Variants in RAPGEF5 observed in about 807,000 individuals in gnomAD.
RAPGEF5 encodes the protein Rap guanine nucleotide exchange factor 5.
A neutral mutation model predicts 125.2 loss-of-function variants in RAPGEF5; 65 were observed. The ratio of observed to expected loss-of-function variants is 0.52; its 90% confidence interval spans 0.43 to 0.64. The LOEUF is 0.64. RAPGEF5 is among the 30% of genes least tolerant of loss of function. The pLI, the probability that RAPGEF5 is intolerant of heterozygous loss-of-function variation, is 0.00. For synonymous variants in RAPGEF5, 391 were observed against 385.9 expected (o/e 1.01, Z -0.16); for missense variants, 958 against 1,048.1 (o/e 0.91, Z 1.19).
intron 6 of RAPGEF5, among the ~76,000 whole-genome samples, chr7:22,267,706 C>CAGA (rs983555674): frequency 7.2e-5 from 11 of 152,126 alleles, no homozygotes; most frequent in African/African-American, 2.7e-4. Flanking sequence ...ATTTTCAAAG[C>CAGA]AGAACACGAA....
At chr7:22,214,252 G>A (rs1785578462) in intron 9 of RAPGEF5, among the ~76,000 whole-genome samples, 2 of 152,174 alleles carry the variant, frequency 1.3e-5, no homozygotes, top group Non-Finnish European at 1.5e-5. Flanking sequence ...CATATTTCAT[G>A]AGTGAATTAG....
chr7:22,280,877 G>A (rs1294395197), intron 6 of RAPGEF5, among the ~76,000 whole-genome samples: 2 of 152,072 alleles, frequency 1.3e-5, no homozygotes, highest in Non-Finnish European at 2.9e-5. Flanking sequence ...AAACAATCTA[G>A]GTGAGGAAGC....
At chr7:22,270,043 G>GA (rs1782382071) in intron 6 of RAPGEF5, among the ~76,000 whole-genome samples, 1 of 152,244 alleles carries the variant, frequency 6.6e-6, no homozygotes, top group Non-Finnish European at 1.5e-5. Context: ...AGGTACAAAA[G>GA]AATGTGGGGG....
At chr7:22,323,994 C>T (rs914702150) in intron 1 of RAPGEF5, among the ~76,000 whole-genome samples, 2 of 152,152 alleles carry the variant, frequency 1.3e-5, no homozygotes, top group African/African-American at 4.8e-5. Context: ...AGTGGACAAA[C>T]CTATGATGAG....
chr7:22,276,248 T>C (rs1782552609), intron 6 of RAPGEF5, among the ~76,000 whole-genome samples: 1 of 152,218 alleles, frequency 6.6e-6, no homozygotes, highest in South Asian at 2.1e-4. Flanking sequence ...TATTATTCAA[T>C]CTACAAAAAG....
Position 22,317,311 on chromosome 7 carries a change from G to C in RAPGEF5, c.282+676C>G, listed in dbSNP as rs185956989. ...GCTGGAGTGCAGTGGTGCGATCTCA[G>C]CTCACTGCAAGCTCCGCCTCCTGGG... On this transcript the variant is annotated intron_variant, in intron 2 of 25. Transcript: ENST00000665637. 4.9e-3 allele frequency among the ~76,000 whole-genome samples: 727 copies of C among 149,538 alleles called. 3 individuals carry two copies. Among genetic ancestry groups the C allele is most frequent in the African/African-American group, 0.016 (664 of 40,470 alleles).
chr7:22,233,973 T>C (rs1056404238), intron 7 of RAPGEF5, among the ~76,000 whole-genome samples: 1 of 152,200 alleles, frequency 6.6e-6, no homozygotes, highest in African/African-American at 2.4e-5. Context: ...ATCTGCATAA[T>C]GGACAAACTC....
chr7:22,237,732 G>A (rs997616498), intron 7 of RAPGEF5, among the ~76,000 whole-genome samples: 1 of 152,134 alleles, frequency 6.6e-6, no homozygotes, highest in Non-Finnish European at 1.5e-5. Context: ...CCTCGTCTCA[G>A]AGATTGGCTT....
chr7:22,206,616 T>C (rs936761304), intron 9 of RAPGEF5, among the ~76,000 whole-genome samples: 1 of 150,958 alleles, frequency 6.6e-6, no homozygotes, highest in East Asian at 1.9e-4. Context: ...GGTGGGAGGA[T>C]TGTGGCTGCA....
intron 6 of RAPGEF5, among the ~76,000 whole-genome samples, chr7:22,273,267 T>G (rs1347841860): frequency 1.4e-5 from 2 of 143,480 alleles, no homozygotes; most frequent in Admixed American, 7.1e-5. Flanking sequence ...CGCCCAGGCT[T>G]GAGTGCAGTG....
At chr7:22,144,337 A>G (rs1783358848) in intron 20 of RAPGEF5, among the ~76,000 whole-genome samples, 1 of 152,204 alleles carries the variant, frequency 6.6e-6, no homozygotes, top group Non-Finnish European at 1.5e-5. Flanking sequence ...CGGAAGGTAA[A>G]AAGTATATCT....
At chr7:22,174,500 A>G (rs1784445953) in intron 11 of RAPGEF5, among the ~76,000 whole-genome samples, 3 of 152,224 alleles carry the variant, frequency 2.0e-5, no homozygotes, top group Non-Finnish European at 4.4e-5. Flanking sequence ...TCTCCAGTTC[A>G]TCACCCTTCT....
At chr7:22,219,754 C>A (rs534330306) in intron 9 of RAPGEF5, 112 bp downstream of exon 9, 368 of 1,390,392 alleles carry the variant, frequency 2.6e-4, no homozygotes, top group African/African-American at 2.5e-3. Context: ...GGGAAAAAAA[C>A]CCCCAAAACC....
In RAPGEF5 at chr7:22,145,217, C is replaced by T. The variant is rs369157491; in HGVS notation, c.2013G>A (p.Glu671=). 491 of 1,608,438 alleles carry T rather than the reference C, an allele frequency of 3.1e-4. No homozygotes were observed. Among genetic ancestry groups the T allele is most frequent in the Non-Finnish European group, 4.0e-4 (469 of 1,177,032 alleles). ...GTCTGCTGAACGTGAAGTAGATCAG[C>T]TCTTGCTGAAAGAAAATGTATTCAT... ...WSLFNSIHEQ[E]LIYFTFSRQG... is the part of the protein sequence containing the mutation. Residue 671 remains glutamate, a synonymous_variant, in exon 20 of 26, where the codon GAG becomes GAA. Transcript: ENST00000665637.
rs1261972871 is a variant in RAPGEF5 at position 22,136,788 on chromosome 7, A to G, written c.2328+145T>C. ...TGTCAACTTGCTTCCCTCCATAAGA[A>G]GCAAAGCTACAGTTTCATATACAAG... is the stretch of plus-strand genomic sequence containing the variant. On this transcript the variant is annotated intron_variant, in intron 22 of 25. Coordinates refer to ENST00000665637, the MANE Select transcript of RAPGEF5 (RefSeq NM_012294.5). 4.4e-6 allele frequency: 3 copies of G among 679,606 alleles called. No homozygotes were observed. The African/African-American group carries it at 5.6e-5, about 13-fold the overall frequency. 42.1% of individuals were successfully genotyped at this position (679,606 alleles called of 1,614,324 possible).
At chr7:22,158,410 G>A (rs1028917987) in intron 14 of RAPGEF5, among the ~76,000 whole-genome samples, 2 of 152,080 alleles carry the variant, frequency 1.3e-5, no homozygotes, top group Non-Finnish European at 2.9e-5. Context: ...CCCTCTGAAG[G>A]CCAGCTCCAC....
intron 1 of RAPGEF5, among the ~76,000 whole-genome samples, chr7:22,346,973 T>C (rs1435567172): frequency 6.6e-6 from 1 of 152,218 alleles, no homozygotes; most frequent in African/African-American, 2.4e-5. Context: ...CAAAGGCATG[T>C]CTATATCTAA....
intron 11 of RAPGEF5, among the ~76,000 whole-genome samples, chr7:22,188,716 A>G (rs113746461): frequency 5.3e-4 from 80 of 149,568 alleles, no homozygotes; most frequent in African/African-American, 1.9e-3. Context: ...CAGTGAGCCG[A>G]GATCGCGCCA....
chr7:22,197,958 C>T (rs1409442794), intron 9 of RAPGEF5, among the ~76,000 whole-genome samples: 1 of 148,506 alleles, frequency 6.7e-6, no homozygotes, highest in East Asian at 2.0e-4. Context: ...AGCACAATCT[C>T]CACTCACTGC....
Sources: gnomAD v4.1 joint callset for allele counts (sites outside exome capture counted in the v4.1 genomes callset) on GRCh38, gnomAD v4.1.1 for gene constraint, MANE v1.5 for transcripts, NCBI Gene and HGNC (gene_info 2026-07-23, HGNC 2026-07-21) for gene names.